Variants in DPH1 observed in about 807,000 individuals in gnomAD.
DPH1 encodes diphthamide biosynthesis 1.
DPH1 carries 59 observed loss-of-function variants against 55.3 expected under a neutral mutation model. The ratio of observed to expected loss-of-function variants is 1.07; its 90% CI spans 0.87 to 1.33. The LOEUF is 1.33. DPH1 is among the 40% of genes most tolerant of loss of function. DPH1 has a pLI of 0.00. For missense variants in DPH1, 628 were observed against 584.8 expected (o/e 1.07, Z -0.76); for synonymous variants, 238 against 235.5 (o/e 1.01, Z -0.10).
rs898369600 is a variant in DPH1, at chr17:2,043,077, C to G, written c.*491C>G. 6.2e-7 allele frequency: 1 copy of G among 1,613,896 alleles called. No homozygotes were observed. Among genetic ancestry groups the G allele is most frequent in the African/African-American group, 1.3e-5 (1 of 75,054 alleles). On this transcript the variant is annotated 3_prime_UTR_variant, in exon 13 of 13. Coordinates refer to ENST00000263083, the MANE Select transcript of DPH1 (RefSeq NM_001383.6). ...CTGCACCCCAGCGTCAGGCCTACCT[C>G]AAGTTCTTGGACCAGTTTGCAGAGT...
Position 2,042,964 on chromosome 17 carries a change from ATCCCCT to A in DPH1, c.*379_*384del. On this transcript the variant is annotated 3_prime_UTR_variant, in exon 13 of 13. Coordinates refer to ENST00000263083, the MANE Select transcript of DPH1 (RefSeq NM_001383.6). ...TGTTTTTGGGGACACTGACAAAGTC[ATCCCCT>A]CTCAGGAGAGTGTGCAACTGGCCAG... The A allele has an allele frequency of 6.2e-7, 1 of 1,614,162 alleles. No individual in the cohort carries two copies. Among genetic ancestry groups the A allele is most frequent in the Non-Finnish European group, 8.5e-7 (1 of 1,180,042 alleles).
At chr17:2,033,975 A>ACTC in intron 3 of DPH1, 133 bp downstream of exon 3, 1 of 964,616 alleles carries the variant, frequency 1.0e-6, no homozygotes. Flanking sequence ...TTTCCCTCCC[A>ACTC]CAACCATACA....
chr17:2,043,009 G>A lies in DPH1; in HGVS notation c.*423G>A. 1.9e-6 allele frequency: 3 copies of A among 1,614,098 alleles called. No individual in the cohort carries two copies. Among genetic ancestry groups the A allele is most frequent in the Non-Finnish European group, 2.5e-6 (3 of 1,180,026 alleles). On this transcript the variant is annotated 3_prime_UTR_variant, in exon 13 of 13. Coordinates refer to ENST00000263083, the MANE Select transcript of DPH1 (RefSeq NM_001383.6). ...GCAACTGGCCAGCCAATTTCCCGGA[G>A]CCATCACCCTCACCCACTCTGGTGG...
chr17:2,041,817 G>A lies in DPH1; in HGVS notation c.1277G>A (p.Cys426Tyr). ...RPPSAVACED[C>Y]SCRDEKVAPL... ...CCTTCGGCCGTGGCTTGCGAGGACT[G>A]CAGCTGCAGGGACGAGAAGGTGGCG... Residue 426 changes from cysteine (C) to tyrosine (Y), a missense_variant, in exon 12 of 13, where the codon TGC becomes TAC. Physicochemically the swap from Cys to Tyr is radical, Grantham distance 194. Coordinates refer to ENST00000263083, the MANE Select transcript of DPH1 (RefSeq NM_001383.6). 2.5e-6 allele frequency: 4 copies of A among 1,606,252 alleles called. No individual in the cohort carries two copies. The highest frequency in any genetic ancestry group is 1.1e-5 in the South Asian group (1 of 90,078).
At position 2,035,947 on chromosome 17, in the gene DPH1, G is replaced by A. The variant is rs766496836; in HGVS notation, c.279-23G>A. The A allele has an allele frequency of 3.2e-5, 51 of 1,613,354 alleles. No homozygotes were observed. The Middle Eastern group carries it at 4.9e-4, about 16-fold the overall frequency. On this transcript the variant is annotated intron_variant, in intron 3 of 12. Coordinates refer to ENST00000263083, the MANE Select transcript of DPH1 (RefSeq NM_001383.6). ...TCAGTCCCTGTGTCCCTGTCCCACC[G>A]TTCCCCGCCCCTGTGCCCGCAGGTT...
At chr17:2,031,188 A>G (rs749178633) in intron 1 of DPH1, among the ~76,000 whole-genome samples, 1 of 152,146 alleles carries the variant, frequency 6.6e-6, no homozygotes, top group Non-Finnish European at 1.5e-5. Context: ...TGGGAGGCTA[A>G]GGAGGATTGT....
intron 11 of DPH1, 52 bp from the exon 12 acceptor site, chr17:2,041,716 G>A (rs754810136): frequency 2.5e-6 from 4 of 1,581,378 alleles, no homozygotes; most frequent in East Asian, 2.3e-5. Flanking sequence ...GCGGAGCGGA[G>A]GGAAACGCAG....
At chr17:2,040,870 C>A in intron 9 of DPH1, 1 of 630,560 alleles carries the variant, frequency 1.6e-6, no homozygotes, top group Non-Finnish European at 2.8e-6. Flanking sequence ...AAATGTGGTT[C>A]TGGGGATACT....
In DPH1 at chr17:2,030,372, C is replaced by T; in HGVS notation, c.61+142C>T. The stretch of plus-strand genomic sequence containing the variant: ...GTTAGTCGCCTTGGGCCGCTGTCAC[C>T]AGCTCGGGGTCGCTGTCAGCCGGAG... On this transcript the variant is annotated intron_variant, in intron 1 of 12. Transcript: ENST00000263083. 6 of 1,047,216 alleles carry T rather than the reference C, an allele frequency of 5.7e-6. No homozygotes were observed. The South Asian group carries it at 1.0e-4, about 18-fold the overall frequency. 64.9% of individuals were successfully genotyped at this position (1,047,216 alleles called of 1,614,324 possible).
At chr17:2,042,215 C>A (rs1434094241) in intron 12 of DPH1, 3 of 1,428,818 alleles carry the variant, frequency 2.1e-6, no homozygotes, top group African/African-American at 1.5e-5. Context: ...GCCCCGAGGG[C>A]GCCAGATCAG....
In DPH1 at chr17:2,036,367, A is replaced by C; in HGVS notation, c.401-162A>C. On this transcript the variant is annotated intron_variant, in intron 4 of 12. Transcript: ENST00000263083. This position sits in a 1 kb window ranked among gnomAD's most constrained non-coding sequence, Gnocchi z 4.8. ...GCCGGGTGACAGAGAAGTCTGATTG[A>C]GAAGGAGCTTCTAGGGGATCTGTGA... 9.0e-7 allele frequency: 1 copy of C among 1,109,108 alleles called. No individual in the cohort carries two copies. Among genetic ancestry groups the C allele is most frequent in the Non-Finnish European group, 1.3e-6 (1 of 779,142 alleles). The allele number at this position is 1,109,108 out of a possible 1,614,324, so 68.7% of individuals were successfully genotyped here.
chr17:2,034,149 G>C (rs1316492980), intron 3 of DPH1, among the ~76,000 whole-genome samples: 1 of 152,026 alleles, frequency 6.6e-6, no homozygotes, highest in Non-Finnish European at 1.5e-5. Context: ...AGGACCCTAA[G>C]AATTCTCCAA....
Position 2,042,716 on chromosome 17 carries a change from T to C in DPH1, c.*130T>C. 2 of 1,559,332 alleles carry C rather than the reference T, an allele frequency of 1.3e-6. No individual in the cohort carries two copies. The highest frequency in any genetic ancestry group is 2.3e-5 in the East Asian group (1 of 44,424). Reference sequence around the variant, plus strand: ...GTCTGCAGGGGCCTGGAGGAATCACTGGGGATGGTGGCACAGGCACTGAAC... The same window carrying C: ...GTCTGCAGGGGCCTGGAGGAATCACCGGGGATGGTGGCACAGGCACTGAAC... On this transcript the variant is annotated 3_prime_UTR_variant, in exon 13 of 13. Coordinates refer to ENST00000263083, the MANE Select transcript of DPH1 (RefSeq NM_001383.6).
intron 3 of DPH1, 68 bp downstream of exon 3, chr17:2,033,910 G>A (rs2067366930): frequency 3.2e-6 from 5 of 1,581,904 alleles, no homozygotes; most frequent in Non-Finnish European, 4.3e-6. Flanking sequence ...CATTACCCGG[G>A]TGGGTAAAGC....
chr17:2,041,413 C>T, intron 10 of DPH1, 68 bp from the exon 11 acceptor site: 1 of 1,557,514 alleles, frequency 6.4e-7, no homozygotes, highest in South Asian at 1.2e-5. Context: ...GTCGTGAGGA[C>T]TGAATTCAGT....
Position 2,041,787 on chromosome 17 carries a change from G to T in DPH1, c.1247G>T (p.Arg416Leu). 1 of 1,606,006 alleles carries T rather than the reference G, an allele frequency of 6.2e-7. No homozygotes were observed. Among genetic ancestry groups the T allele is most frequent in the Non-Finnish European group, 8.5e-7 (1 of 1,176,920 alleles). ...ARGKVQEGSA[R>L]PPSAVACEDC... ...CCTCAGGTGCAGGAGGGGTCCGCGC[G>T]TCCCCCTTCGGCCGTGGCTTGCGAG... The change falls in exon 12 of 13, where the codon CGT becomes CTT. Residue 416 changes from arginine (R) to leucine (L), a missense_variant. Arg to Leu is a moderately radical substitution (Grantham distance 102). Coordinates refer to ENST00000263083, the MANE Select transcript of DPH1 (RefSeq NM_001383.6).
At position 2,041,196 on chromosome 17, in the gene DPH1, T is replaced by A; in HGVS notation, c.1086+15T>A. ...CACCCTATGAGGTAACACCAAGCTC[T>A]GGGAGAGAGTGGGCTTTGGACGTGG... On this transcript the variant is annotated intron_variant, in intron 10 of 12. Coordinates refer to ENST00000263083, the MANE Select transcript of DPH1 (RefSeq NM_001383.6). 1 of 1,593,270 alleles carries A rather than the reference T, an allele frequency of 6.3e-7. No homozygotes were observed.
chr17:2,035,311 T>C (rs2067396817), intron 3 of DPH1, among the ~76,000 whole-genome samples: 1 of 150,460 alleles, frequency 6.6e-6, no homozygotes, highest in Non-Finnish European at 1.5e-5. Context: ...GAGCCTCCTC[T>C]TCCTGATGCA....
rs1262069920 is a variant in DPH1 at position 2,030,165 on chromosome 17, A to G, written c.-5A>G. 6.2e-7 allele frequency: 1 copy of G among 1,602,948 alleles called. No homozygotes were observed. The highest frequency in any genetic ancestry group is 8.5e-7 in the Non-Finnish European group (1 of 1,175,736). On this transcript the variant is annotated 5_prime_UTR_variant, in exon 1 of 13. Coordinates refer to ENST00000263083, the MANE Select transcript of DPH1 (RefSeq NM_001383.6). Reference sequence around the variant, plus strand: ...TCTTTTTAGTACCACATGCGCAGGCAGGTGATGGCGGCGCTGGTCGTATCC... The same window carrying G: ...TCTTTTTAGTACCACATGCGCAGGCGGGTGATGGCGGCGCTGGTCGTATCC...
Sources: allele counts gnomAD v4.1 joint callset (sites outside exome capture counted in the v4.1 genomes callset), GRCh38; gene constraint gnomAD v4.1.1; non-coding constraint Gnocchi (gnomAD v3.1); transcripts MANE v1.5; gene names NCBI Gene and HGNC (gene_info 2026-07-23, HGNC 2026-07-21).